The following SNX25 variants were observed in gnomAD, a reference collection of about 807,000 sequenced individuals.
SNX25 encodes the protein sorting nexin 25.
SNX25 carries 62 observed loss-of-function variants against 113.7 expected under a neutral mutation model. That is an observed-to-expected ratio of 0.55 (90% CI 0.44 to 0.67). The LOEUF is 0.67. SNX25 is among the 30% of genes least tolerant of loss of function. SNX25 has a pLI of 0.00. For missense variants in SNX25, 1,014 were observed against 1,161.0 expected (o/e 0.87, Z 1.84); for synonymous variants, 421 against 436.2 (o/e 0.97, Z 0.43).
At chr4:185,332,191 G>T (rs1188685016) in intron 9 of SNX25, among the ~76,000 whole-genome samples, 1 of 152,174 alleles carries the variant, frequency 6.6e-6, no homozygotes, top group African/African-American at 2.4e-5. Context: ...TTTTAGAGGG[G>T]CTTGCATGAG....
chr4:185,318,373 C>G (rs2095092077), intron 7 of SNX25, among the ~76,000 whole-genome samples: 1 of 152,204 alleles, frequency 6.6e-6, no homozygotes, highest in East Asian at 1.9e-4. Flanking sequence ...TGAAGGTCAT[C>G]TGCTGTATTA....
intron 1 of SNX25, among the ~76,000 whole-genome samples, chr4:185,217,380 ATTAT>A (rs1371113547): frequency 6.6e-6 from 1 of 152,226 alleles, no homozygotes; most frequent in Non-Finnish European, 1.5e-5. Context: ...TACAATTCTC[ATTAT>A]TTATCATTAC....
At position 185,210,265 on chromosome 4, in the gene SNX25, C is replaced by G; in HGVS notation, c.429+10C>G. On this transcript the variant is annotated intron_variant, in intron 1 of 18. Transcript: ENST00000652585. This position sits in a 1 kb window ranked among gnomAD's most constrained non-coding sequence, Gnocchi z 4.4. ...CCGCCGCCCGCCGGGGGTAAGTACC[C>G]GACTCCTGGCCGCCCAGCTCCGCCG... 2 of 984,700 alleles carry G rather than the reference C, an allele frequency of 2.0e-6. No individual in the cohort carries two copies. Among genetic ancestry groups the G allele is most frequent in the South Asian group, 4.7e-5 (1 of 21,310 alleles). The allele number at this position is 984,700 out of a possible 1,614,324, so 61.0% of individuals were successfully genotyped here. A position where few individuals can be genotyped will look rare whatever the true frequency, so the allele number is the denominator to read the frequency against.
At chr4:185,347,524 G>C (rs1284720414) in intron 13 of SNX25, among the ~76,000 whole-genome samples, 1 of 152,058 alleles carries the variant, frequency 6.6e-6, no homozygotes, top group Non-Finnish European at 1.5e-5. Flanking sequence ...AGGCTGGAGT[G>C]CAATGGCGCG....
At chr4:185,245,254 A>C (rs1367949703) in intron 1 of SNX25, among the ~76,000 whole-genome samples, 1 of 151,702 alleles carries the variant, frequency 6.6e-6, no homozygotes, top group African/African-American at 2.4e-5. Flanking sequence ...CAAGTAAAAA[A>C]AAATCCTCTT....
In SNX25 at chr4:185,247,395, A is replaced by AGTATATAATTACCAT; in HGVS notation, c.514+21_514+35dup. ...TGAAAGAAGGTAAGGATTAAATGAG[A>AGTATATAATTACCAT]GTATATAATTACCATGTAAAGCAAT... On this transcript the variant is annotated intron_variant, in intron 2 of 18. Transcript: ENST00000652585. 6.8e-7 allele frequency: 1 copy of AGTATATAATTACCAT among 1,462,730 alleles called. No individual in the cohort carries two copies. Among genetic ancestry groups the AGTATATAATTACCAT allele is most frequent in the Non-Finnish European group, 9.6e-7 (1 of 1,046,016 alleles). 90.6% of individuals were successfully genotyped at this position (1,462,730 alleles called of 1,614,324 possible). A position where few individuals can be genotyped will look rare whatever the true frequency, so the allele number is the denominator to read the frequency against.
chr4:185,228,060 C>G (rs534008678), intron 1 of SNX25, among the ~76,000 whole-genome samples: 1 of 152,080 alleles, frequency 6.6e-6, no homozygotes, highest in Non-Finnish European at 1.5e-5. Context: ...GGGTGTGCCC[C>G]GGACTTGGCA....
intron 7 of SNX25, 104 bp downstream of exon 7, chr4:185,310,920 G>A (rs2126665226): frequency 8.8e-7 from 1 of 1,132,624 alleles, no homozygotes; most frequent in Non-Finnish European, 1.2e-6. Context: ...ACTTAGACAT[G>A]TGTGCCATAA....
chr4:185,342,013 T>C lies in SNX25; in HGVS notation c.2084T>C (p.Phe695Ser), dbSNP rs1201176890. ...EENGEQLPCY[F>S]VMVSLQEVGG... The stretch of plus-strand genomic sequence containing the variant: ...AATGGTGAGCAATTGCCATGTTACT[T>C]TGTCATGGTAAGCCTACAAGAAGTT... Residue 695 changes from phenylalanine to serine, a missense_variant, in exon 12 of 19, where the codon TTT becomes TCT. Physicochemically the swap from Phe to Ser is radical, Grantham distance 155. Coordinates refer to ENST00000652585, the MANE Select transcript of SNX25 (RefSeq NM_001378034.2). The C allele has an allele frequency of 6.2e-7, 1 of 1,610,010 alleles. No homozygotes were observed. Among genetic ancestry groups the C allele is most frequent in the South Asian group, 1.1e-5 (1 of 90,070 alleles).
intron 10 of SNX25, among the ~76,000 whole-genome samples, chr4:185,335,638 T>C (rs776630533): frequency 6.6e-6 from 1 of 152,188 alleles, no homozygotes; most frequent in Non-Finnish European, 1.5e-5. Flanking sequence ...TCCTGAAATT[T>C]ACTGCCTAGG....
At chr4:185,302,579 G>A (rs557762560) in intron 6 of SNX25, among the ~76,000 whole-genome samples, 1 of 152,200 alleles carries the variant, frequency 6.6e-6, no homozygotes, top group Non-Finnish European at 1.5e-5. Flanking sequence ...TTGGAGTTGG[G>A]TTTTCCTTGC....
intron 2 of SNX25, among the ~76,000 whole-genome samples, chr4:185,255,133 C>G (rs868698092): frequency 1.3e-5 from 2 of 151,506 alleles, no homozygotes; most frequent in African/African-American, 4.9e-5. Context: ...GCTTTGTTTT[C>G]TTCTTTATTT....
chr4:185,236,265 C>A (rs1742620899), intron 1 of SNX25, among the ~76,000 whole-genome samples: 1 of 152,102 alleles, frequency 6.6e-6, no homozygotes, highest in Admixed American at 6.6e-5. Context: ...TCCCACCACC[C>A]TGACCAATCT....
chr4:185,242,542 T>C (rs1376836532), intron 1 of SNX25, among the ~76,000 whole-genome samples: 1 of 152,216 alleles, frequency 6.6e-6, no homozygotes, highest in East Asian at 1.9e-4. Flanking sequence ...GTAGAAGATA[T>C]TGCAAAGGAT....
At chr4:185,259,940 C>T (rs1372155108) in intron 3 of SNX25, among the ~76,000 whole-genome samples, 1 of 152,064 alleles carries the variant, frequency 6.6e-6, no homozygotes, top group Non-Finnish European at 1.5e-5. Flanking sequence ...CTTCCTGGGA[C>T]TCTTCTTCCC....
At chr4:185,231,191 T>C (rs550262071) in intron 1 of SNX25, among the ~76,000 whole-genome samples, 33 of 151,380 alleles carry the variant, frequency 2.2e-4, no homozygotes, top group African/African-American at 7.8e-4. Flanking sequence ...CTCTGCTTCC[T>C]GGGTTCACGC....
chr4:185,347,670 C>T (rs1308160077), intron 13 of SNX25, among the ~76,000 whole-genome samples: 4 of 152,044 alleles, frequency 2.6e-5, no homozygotes, highest in Middle Eastern at 3.2e-3. Context: ...GGGGTTTCTC[C>T]GTGTTGGTCA....
At chr4:185,296,111 T>A (rs1265121013) in intron 6 of SNX25, 1 of 152,208 alleles carries the variant, frequency 6.6e-6, no homozygotes, top group East Asian at 1.9e-4. Context: ...GTGTCTTGCA[T>A]GATAGAAGGA....
chr4:185,341,719 C>T (rs139520534), intron 11 of SNX25, among the ~76,000 whole-genome samples: 80 of 152,282 alleles, frequency 5.3e-4, no homozygotes, highest in Non-Finnish European at 9.9e-4. Context: ...ATCTTTCTGA[C>T]TTCCTTTCGT....
Sources: gnomAD v4.1 joint callset for allele counts (sites outside exome capture counted in the v4.1 genomes callset) on GRCh38, gnomAD v4.1.1 for gene constraint, Gnocchi (gnomAD v3.1) non-coding constraint, MANE v1.5 for transcripts, NCBI Gene and HGNC (gene_info 2026-07-23, HGNC 2026-07-21) for gene names.